The following ZNF385D variants were observed in gnomAD, a reference collection of about 807,000 sequenced individuals.
ZNF385D encodes the protein zinc finger protein 385D.
A neutral mutation model predicts 35.8 loss-of-function variants in ZNF385D; 15 were observed. The ratio of observed to expected loss-of-function variants is 0.42; its 90% CI spans 0.28 to 0.64. The LOEUF is 0.64. ZNF385D is among the 30% of genes least tolerant of loss of function. The pLI is 0.23. For synonymous variants in ZNF385D, 212 were observed against 186.8 expected (o/e 1.13, Z -1.10); for missense variants, 474 against 494.6 (o/e 0.96, Z 0.39).
chr3:22,034,445 G>A (rs1006666808), intron 3 of ZNF385D, among the ~76,000 whole-genome samples: 1 of 151,892 alleles, frequency 6.6e-6, no homozygotes, highest in African/African-American at 2.4e-5. Flanking sequence ...TAGTCTTAGC[G>A]GCCCAACTAA....
Position 22,062,181 on chromosome 3 carries a change from G to A in ZNF385D, c.325+106636C>T, listed in dbSNP as rs74454311. ...ACCTCCCAAATAGCTGGGACTACCC[G>A]GGACTACAGGCAAGTGCCACCATGC... is the stretch of plus-strand genomic sequence containing the variant. On this transcript the variant is annotated intron_variant, in intron 3 of 5. Transcript: ENST00000494108. 8.6e-5 allele frequency among the ~76,000 whole-genome samples: 13 copies of A among 151,994 alleles called. No individual in the cohort carries two copies. The East Asian group carries it at 2.3e-3, about 27-fold the overall frequency.
intron 3 of ZNF385D, among the ~76,000 whole-genome samples, chr3:22,168,271 T>C (rs1706464079): frequency 6.6e-6 from 1 of 152,158 alleles, no homozygotes; most frequent in African/African-American, 2.4e-5. Context: ...TTGAAAAATC[T>C]ATTCACTCAT....
chr3:22,260,483 CTGCACATGT>C (rs1004829484), intron 2 of ZNF385D, among the ~76,000 whole-genome samples: 1 of 151,764 alleles, frequency 6.6e-6, no homozygotes, highest in African/African-American at 2.4e-5. Flanking sequence ...TCTGCACATT[CTGCACATGT>C]ATCCCAGAAC....
chr3:22,331,490 A>G (rs1694935163), intron 2 of ZNF385D, among the ~76,000 whole-genome samples: 1 of 152,176 alleles, frequency 6.6e-6, no homozygotes, highest in African/African-American at 2.4e-5. Flanking sequence ...ACTTAATATT[A>G]TTTCATAAAA....
chr3:22,200,359 C>T (rs1830243), intron 2 of ZNF385D, among the ~76,000 whole-genome samples: 2,350 of 151,988 alleles, frequency 0.015, 57 homozygotes, highest in African/African-American at 0.053. Context: ...CATCACATGT[C>T]GGTAGGTTCC....
chr3:22,003,283 T>C (rs985200173), intron 3 of ZNF385D, among the ~76,000 whole-genome samples: 2 of 152,274 alleles, frequency 1.3e-5, no homozygotes, highest in African/African-American at 2.4e-5. Flanking sequence ...GTATCAATAA[T>C]GAACTAGCCA....
chr3:22,062,301 C>A (rs183294722), intron 3 of ZNF385D, among the ~76,000 whole-genome samples: 221 of 152,242 alleles, frequency 1.5e-3, no homozygotes, highest in African/African-American at 5.1e-3. Flanking sequence ...GCAATCCACC[C>A]GCCTCAGCCT....
intron 2 of ZNF385D, among the ~76,000 whole-genome samples, chr3:22,343,944 C>T (rs1233436195): frequency 6.6e-6 from 1 of 152,054 alleles, no homozygotes; most frequent in Non-Finnish European, 1.5e-5. Flanking sequence ...AAAAAATGAA[C>T]AAGTGAAAAG....
chr3:21,710,808 G>C (rs903852411), intron 1 of ZNF385D, among the ~76,000 whole-genome samples: 1 of 152,088 alleles, frequency 6.6e-6, no homozygotes, highest in African/African-American at 2.4e-5. Flanking sequence ...TTCTAGGGTG[G>C]GGGAATGCAT....
chr3:21,868,885 C>A (rs1339286160), intron 3 of ZNF385D, among the ~76,000 whole-genome samples: 1 of 152,022 alleles, frequency 6.6e-6, no homozygotes, highest in East Asian at 1.9e-4. Flanking sequence ...ACACTCGAGG[C>A]AAATTGTGCC....
At chr3:22,370,612 G>C (rs1000016828) in intron 2 of ZNF385D, among the ~76,000 whole-genome samples, 11 of 152,298 alleles carry the variant, frequency 7.2e-5, no homozygotes, top group African/African-American at 2.6e-4. Context: ...GGCTCAAAGA[G>C]GTTGTGTAGG....
chr3:22,091,033 CAT>C (rs1701306451), intron 3 of ZNF385D, among the ~76,000 whole-genome samples: 2 of 152,162 alleles, frequency 1.3e-5, no homozygotes, highest in African/African-American at 4.8e-5. Context: ...TGGGGTGGGA[CAT>C]GTGTGGGAGT....
At chr3:22,348,338 A>G (rs945190196) in intron 2 of ZNF385D, among the ~76,000 whole-genome samples, 1 of 151,968 alleles carries the variant, frequency 6.6e-6, no homozygotes. Context: ...TCCTATTTGA[A>G]TAATAACCTT....
intron 1 of ZNF385D, among the ~76,000 whole-genome samples, chr3:21,704,719 A>G (rs2067834195): frequency 6.6e-6 from 1 of 152,110 alleles, no homozygotes; most frequent in African/African-American, 2.4e-5. Flanking sequence ...TACTAAAGTA[A>G]AAGCTGCATT....
intron 3 of ZNF385D, among the ~76,000 whole-genome samples, chr3:21,548,797 T>G (rs1258354438): frequency 1.3e-5 from 2 of 152,178 alleles, no homozygotes; most frequent in Non-Finnish European, 2.9e-5. Context: ...TGTCCCCTGA[T>G]ATCATACATA....
chr3:22,187,829 G>A (rs1417903769), intron 2 of ZNF385D, among the ~76,000 whole-genome samples: 1 of 152,188 alleles, frequency 6.6e-6, no homozygotes, highest in Admixed American at 6.6e-5. Flanking sequence ...CTGGGATGCA[G>A]TTGGACACTG....
Position 22,333,747 on chromosome 3 carries a change from A to C in ZNF385D, c.106+38703T>G, listed in dbSNP as rs192255432. 5.7e-4 allele frequency among the ~76,000 whole-genome samples: 86 copies of C among 151,706 alleles called. 1 individual carries two copies. Among genetic ancestry groups the C allele is most frequent in the African/African-American group, 2.0e-3 (83 of 41,346 alleles). ...TGCACTGAAAGGAGACTATTTTTGC[A>C]CTCCTCCACCCTAGACTAGATGATT... On this transcript the variant is annotated intron_variant, in intron 2 of 5. Coordinates refer to the ZNF385D transcript ENST00000494108.
chr3:21,428,658 G>A (rs57204522), intron 5 of ZNF385D, among the ~76,000 whole-genome samples: 1 of 152,040 alleles, frequency 6.6e-6, no homozygotes, highest in East Asian at 1.9e-4. Context: ...TGTGTGGCCG[G>A]TGGTCTCCTC....
intron 2 of ZNF385D, among the ~76,000 whole-genome samples, chr3:21,641,108 T>C (rs1448106678): frequency 2.0e-5 from 3 of 152,110 alleles, no homozygotes; most frequent in African/African-American, 7.2e-5. Context: ...TCGTAAAGGC[T>C]GGAAGTAGAG....
Sources: allele counts gnomAD v4.1 joint callset (sites outside exome capture counted in the v4.1 genomes callset), GRCh38; gene constraint gnomAD v4.1.1; transcripts MANE v1.5; gene names NCBI Gene and HGNC (gene_info 2026-07-23, HGNC 2026-07-21).